TCF20: variants seen among roughly 807,000 people sequenced by gnomAD.
TCF20 encodes the protein SPRE-binding protein.
Under a neutral mutation model 148.6 loss-of-function variants are expected in TCF20, and 3 were observed. That is an observed-to-expected ratio of 0.02 (90% CI 0.01 to 0.05). The LOEUF (loss-of-function observed/expected upper bound fraction) is 0.05, where lower values mean the gene tolerates loss of function less well. Among genes scored for constraint, TCF20 ranks in the 10% least tolerant of loss-of-function variants. The pLI, the probability that TCF20 is intolerant of heterozygous loss-of-function variation, is 1.00. For missense variants in TCF20, 2,350 were observed against 2,429.3 expected, an observed-to-expected ratio of 0.97 and a Z score of 0.69; for synonymous variants, 1,049 against 909.5, an observed-to-expected ratio of 1.15 and a Z score of -2.76.
intron 1 of TCF20, among the ~76,000 whole-genome samples, chr22:42,235,397 G>C (rs1923797752): frequency 6.6e-6 from 1 of 152,114 alleles, no homozygotes; most frequent in African/African-American, 2.4e-5. Flanking sequence ...GGAACATTGG[G>C]TATCAACTGG....
intron 2 of TCF20, among the ~76,000 whole-genome samples, chr22:42,200,905 AG>A (rs1460033839): frequency 6.6e-6 from 1 of 152,210 alleles, no homozygotes; most frequent in Non-Finnish European, 1.5e-5. Context: ...CGTAAATTAA[AG>A]GCTAAATCCT....
chr22:42,313,211 G>T (rs1274373507), intron 1 of TCF20, among the ~76,000 whole-genome samples: 2 of 152,222 alleles, frequency 1.3e-5, no homozygotes, highest in African/African-American at 4.8e-5. Context: ...AATAAATGGA[G>T]ACAGCTGCTA....
At chr22:42,267,368 A>C (rs960485874) in intron 1 of TCF20, among the ~76,000 whole-genome samples, 4 of 152,168 alleles carry the variant, frequency 2.6e-5, no homozygotes, top group Non-Finnish European at 4.4e-5. Context: ...CAAACTGTTT[A>C]TTCTAGAAAA....
chr22:42,302,971 C>T (rs900273486), intron 1 of TCF20, among the ~76,000 whole-genome samples: 132 of 152,178 alleles, frequency 8.7e-4, no homozygotes, highest in African/African-American at 3.0e-3. Flanking sequence ...GCTCTGTTGC[C>T]CAGGCTGGAG....
intron 2 of TCF20, among the ~76,000 whole-genome samples, chr22:42,186,763 C>G (rs557793448): frequency 1.1e-4 from 17 of 152,352 alleles, no homozygotes; most frequent in African/African-American, 4.1e-4. Flanking sequence ...TCTCAATTCT[C>G]CTATCTGGGA....
In TCF20 at chr22:42,161,134, T is replaced by C. The variant is rs1289334410; in HGVS notation, c.*269A>G. Reference sequence around the variant, plus strand: ...CCCACCCCTCCCCCCTCCCCCCACATTGTCACTATGGAGATTGTGTCCATG... The same window carrying C: ...CCCACCCCTCCCCCCTCCCCCCACACTGTCACTATGGAGATTGTGTCCATG... On this transcript the variant is annotated 3_prime_UTR_variant, in exon 6 of 6. Transcript: ENST00000677622. 2.5e-5 allele frequency: 4 copies of C among 158,232 alleles called. No individual in the cohort carries two copies. Among genetic ancestry groups the C allele is most frequent in the East Asian group, 2.2e-4 (1 of 4,574 alleles). The allele number at this position is 158,232 out of a possible 1,614,324, so 9.8% of individuals were successfully genotyped here.
intron 1 of TCF20, among the ~76,000 whole-genome samples, chr22:42,249,579 A>T (rs1165291283): frequency 2.4e-4 from 37 of 152,254 alleles, no homozygotes; most frequent in Admixed American, 2.4e-3. Context: ...GTGCTGCAAA[A>T]GCAGAAATTG....
At position 42,199,706 on chromosome 22, in the gene TCF20, C is replaced by CAAAAAAAAAAA. The variant is rs59845847; in HGVS notation, c.5655+9934_5655+9944dup. On this transcript the variant is annotated intron_variant, in intron 2 of 5. Transcript: ENST00000677622. ...CTAACATGGCAAAACCCCATCTCTA[C>CAAAAAAAAAAA]AAAAAAAAAAAAAAAAAAAAAAAAA... is the stretch of plus-strand genomic sequence containing the variant. Among the ~76,000 whole-genome samples the CAAAAAAAAAAA allele has an allele frequency of 2.4e-4, 8 of 33,870 alleles. 1 individual carries two copies. Among genetic ancestry groups the CAAAAAAAAAAA allele is most frequent in the African/African-American group, 3.0e-4 (3 of 9,986 alleles). 22.2% of individuals were successfully genotyped at this position (33,870 alleles called of 152,430 possible).
Position 42,211,995 on chromosome 22 carries a change from G to A in TCF20, c.3311C>T (p.Ser1104Phe). The A allele has an allele frequency of 6.2e-7, 1 of 1,614,216 alleles. No individual in the cohort carries two copies. Reference protein sequence around the residue: ...PEEYKDWSSGSAQGVIAAAQH... With the variant: ...PEEYKDWSSGFAQGVIAAAQH... ...TGCTGCAGCAATTACTCCCTGAGCAGAACCGCTGCTCCAGTCTTTATACTC... is the reference window on the plus strand; with the variant it reads ...TGCTGCAGCAATTACTCCCTGAGCAAAACCGCTGCTCCAGTCTTTATACTC... Residue 1104 changes from serine to phenylalanine, a missense_variant, in exon 2 of 6, where the codon TCT becomes TTT. By Grantham distance (155) the Ser-to-Phe change is radical (BLOSUM62 -2). This residue lies in a region of TCF20 where 1,641 missense variants were observed against 1,662.6 expected (regional missense o/e 0.99). Transcript: ENST00000677622.
chr22:42,305,771 G>A (rs747429900), intron 1 of TCF20, among the ~76,000 whole-genome samples: 9 of 151,866 alleles, frequency 5.9e-5, no homozygotes, highest in African/African-American at 9.7e-5. Flanking sequence ...CCTCCCCCGT[G>A]GCTGGGAGAT....
In TCF20 at chr22:42,161,391, G is replaced by A. The variant is rs1935450377; in HGVS notation, c.*45-33C>T. Reference sequence around the variant, plus strand: ...ACAAGGGACACACAGTGAAGGCCAGGAGCCTCCACAGGGTCCACCACCAAC... The same window carrying A: ...ACAAGGGACACACAGTGAAGGCCAGAAGCCTCCACAGGGTCCACCACCAAC... On this transcript the variant is annotated intron_variant, in intron 5 of 5. Coordinates refer to ENST00000677622, the MANE Select transcript of TCF20 (RefSeq NM_001378418.1). 5.6e-6 allele frequency: 9 copies of A among 1,613,842 alleles called. No homozygotes were observed. The East Asian group carries it at 1.3e-4, about 24-fold the overall frequency.
At chr22:42,239,961 T>C (rs1011289646) in intron 1 of TCF20, among the ~76,000 whole-genome samples, 8 of 151,808 alleles carry the variant, frequency 5.3e-5, no homozygotes, top group African/African-American at 1.9e-4. Context: ...AACAAAAAAA[T>C]CCCACAATAT....
At chr22:42,334,045 A>G (rs1047243933) in intron 1 of TCF20, among the ~76,000 whole-genome samples, 2 of 152,134 alleles carry the variant, frequency 1.3e-5, no homozygotes, top group African/African-American at 4.8e-5. Flanking sequence ...CCTTGGTGTC[A>G]GAGGGGCTGC....
chr22:42,328,316 T>A (rs1927910229), intron 1 of TCF20, among the ~76,000 whole-genome samples: 1 of 152,142 alleles, frequency 6.6e-6, no homozygotes, highest in Non-Finnish European at 1.5e-5. Context: ...CTGTGGGGCA[T>A]CCTGTGGGCT....
intron 1 of TCF20, among the ~76,000 whole-genome samples, chr22:42,329,199 G>A (rs1927927048): frequency 6.6e-6 from 1 of 152,230 alleles, no homozygotes; most frequent in African/African-American, 2.4e-5. Flanking sequence ...ACCAAGAAGT[G>A]ATAAGGAGTC....
chr22:42,225,431 G>C (rs1273287017), intron 1 of TCF20, among the ~76,000 whole-genome samples: 1 of 150,934 alleles, frequency 6.6e-6, no homozygotes, highest in Non-Finnish European at 1.5e-5. Flanking sequence ...TGGCTAACAA[G>C]GTGAAACCCC....
intron 2 of TCF20, among the ~76,000 whole-genome samples, chr22:42,202,726 T>C (rs556709051): frequency 3.9e-5 from 6 of 152,332 alleles, no homozygotes; most frequent in South Asian, 2.1e-4. Flanking sequence ...TGAAACAGTA[T>C]TGGATGAAGC....
At chr22:42,287,874 A>AG (rs1314474446), upstream of TCF20, among the ~76,000 whole-genome samples, 1 of 152,178 alleles carries the variant, frequency 6.6e-6, no homozygotes. Flanking sequence ...CCAAAAAAAA[A>AG]GAAAAGAAAA....
chr22:42,170,626 C>CAAAAAAAAAAAAAAAAAAAAAAAAAAAAA (rs58579686), intron 3 of TCF20, among the ~76,000 whole-genome samples: 2 of 72,106 alleles, frequency 2.8e-5, no homozygotes, highest in African/African-American at 1.2e-4. Flanking sequence ...GACTCCGTCT[C>CAAAAAAAAAAAAAAAAAAAAAAAAAAAAA]AAAAAAAAAA....
Sources: gnomAD v4.1 joint callset for allele counts (sites outside exome capture counted in the v4.1 genomes callset) on GRCh38, gnomAD v4.1.1 for gene constraint, gnomAD v4.1.1 regional missense constraint, MANE v1.5 for transcripts, NCBI Gene and HGNC (gene_info 2026-07-23, HGNC 2026-07-21) for gene names.